Variants in GNAI3 observed in about 807,000 individuals in gnomAD.
GNAI3 encodes the protein G protein subunit alpha i3.
In GNAI3, 12 loss-of-function variants were observed where a neutral mutation model predicts 41.8. The observed-to-expected ratio is 0.29, with a 90% CI of 0.18 to 0.47. The LOEUF (loss-of-function observed/expected upper bound fraction) is 0.47. Ranked by LOEUF, GNAI3 falls within the 20% of genes least tolerant of loss-of-function variation. GNAI3 has a pLI of 1.00. For synonymous variants in GNAI3, 132 were observed against 146.5 expected (o/e 0.90, Z 0.71); for missense variants, 360 against 429.6 (o/e 0.84, Z 1.43).
intron 1 of GNAI3, among the ~76,000 whole-genome samples, chr1:109,560,609 A>G (rs1648284634): frequency 6.6e-6 from 1 of 152,182 alleles, no homozygotes. Flanking sequence ...CTTAAAAAAA[A>G]TCATTTGAGA....
intron 1 of GNAI3, among the ~76,000 whole-genome samples, chr1:109,558,826 A>G (rs1295086269): frequency 1.3e-5 from 2 of 152,106 alleles, no homozygotes; most frequent in Admixed American, 1.3e-4. Flanking sequence ...GTTTAGTTTT[A>G]TGGCAGGGGA....
At chr1:109,572,961 G>A (rs185556832) in intron 1 of GNAI3, among the ~76,000 whole-genome samples, 1 of 152,186 alleles carries the variant, frequency 6.6e-6, no homozygotes, top group African/African-American at 2.4e-5. Context: ...AGATGTCGTT[G>A]TGGGAAAATG....
Position 109,577,378 on chromosome 1 carries a change from G to T in GNAI3, c.304-1826G>T, listed in dbSNP as rs559366611. Among the ~76,000 whole-genome samples, 99 of 150,914 alleles carry T rather than the reference G, an allele frequency of 6.6e-4. 1 individual carries two copies. The highest frequency in any genetic ancestry group is 2.4e-3 in the African/African-American group (97 of 41,012). ...TGCAACCTCCGCCTCCTGGGTTCAA[G>T]CAATTCTCCTGCCTCAAACTCCCGA... On this transcript the variant is annotated intron_variant, in intron 3 of 8. Transcript: ENST00000369851.
At chr1:109,586,148 A>G in intron 5 of GNAI3, 68 bp from the exon 6 acceptor site, 2 of 1,400,734 alleles carry the variant, frequency 1.4e-6, no homozygotes, top group Non-Finnish European at 1.9e-6. Flanking sequence ...GAAGTTTCCT[A>G]ATCATTTCAG....
chr1:109,558,576 A>T (rs530939562), intron 1 of GNAI3, among the ~76,000 whole-genome samples: 6 of 152,308 alleles, frequency 3.9e-5, no homozygotes, highest in African/African-American at 1.2e-4. Context: ...TTTAAAATGC[A>T]TATAACCAGC....
intron 1 of GNAI3, 25 bp from the exon 2 acceptor site, chr1:109,573,712 A>G (rs747597571): frequency 4.4e-6 from 7 of 1,575,062 alleles, no homozygotes; most frequent in Non-Finnish European, 6.1e-6. Flanking sequence ...CGAGAAATTC[A>G]AAGTCTGGTT....
At chr1:109,550,814 T>C (rs185789589) in intron 1 of GNAI3, among the ~76,000 whole-genome samples, 1 of 152,330 alleles carries the variant, frequency 6.6e-6, no homozygotes, top group African/African-American at 2.4e-5. Context: ...ATTATAGGCG[T>C]GAGGCCACCG....
At chr1:109,577,263 T>C (rs1007603281) in intron 3 of GNAI3, among the ~76,000 whole-genome samples, 1 of 151,232 alleles carries the variant, frequency 6.6e-6, no homozygotes, top group Non-Finnish European at 1.5e-5. Flanking sequence ...AGATCTTAGC[T>C]AAGGTGTTTT....
intron 1 of GNAI3, 98 bp from the exon 2 acceptor site, chr1:109,573,639 C>A: frequency 1.0e-6 from 1 of 976,800 alleles, no homozygotes; most frequent in Non-Finnish European, 1.6e-6. Flanking sequence ...TTCCCTAGGA[C>A]CCGTGGTTTT....
chr1:109,558,316 G>A (rs1237142432), intron 1 of GNAI3, among the ~76,000 whole-genome samples: 3 of 152,066 alleles, frequency 2.0e-5, no homozygotes, highest in Non-Finnish European at 4.4e-5. Context: ...CCAGCTACTT[G>A]GGAGGCTGAG....
intron 3 of GNAI3, among the ~76,000 whole-genome samples, chr1:109,576,783 A>G (rs1557908637): frequency 1.3e-5 from 2 of 152,122 alleles, no homozygotes; most frequent in African/African-American, 4.8e-5. Context: ...TGGCTGCCCA[A>G]AGTATTGGGA....
At chr1:109,565,833 C>T (rs1002288605) in intron 1 of GNAI3, among the ~76,000 whole-genome samples, 4 of 152,202 alleles carry the variant, frequency 2.6e-5, no homozygotes, top group Admixed American at 1.3e-4. Context: ...CCCTGTAAAG[C>T]CAGGTTGAGC....
rs1649289692 is a variant in GNAI3 at position 109,595,874 on chromosome 1, T to TA, written c.*3556dup. The stretch of plus-strand genomic sequence containing the variant: ...AACCCTCTACTCATTTGTATAAACC[T>TA]AAAACGTCACTGTTTTCCTTGAGCG... On this transcript the variant is annotated 3_prime_UTR_variant, in exon 9 of 9. Transcript: ENST00000369851. 1 of 152,114 alleles carries TA rather than the reference T, an allele frequency of 6.6e-6. No individual in the cohort carries two copies. The highest frequency in any genetic ancestry group is 1.5e-5 in the Non-Finnish European group (1 of 68,002). The allele number at this position is 152,114 out of a possible 1,614,324, so 9.4% of individuals were successfully genotyped here. A position where few individuals can be genotyped will look rare whatever the true frequency, so the allele number is the denominator to read the frequency against.
intron 1 of GNAI3, among the ~76,000 whole-genome samples, chr1:109,572,431 G>A (rs761809453): frequency 2.0e-5 from 3 of 152,202 alleles, no homozygotes; most frequent in African/African-American, 7.2e-5. Context: ...TTTCAACTTA[G>A]ACAAATTCTG....
chr1:109,563,094 A>C (rs1303623422), intron 1 of GNAI3, among the ~76,000 whole-genome samples: 2 of 152,192 alleles, frequency 1.3e-5, no homozygotes, highest in Admixed American at 6.5e-5. Context: ...AAACTTACCA[A>C]AGTCCAAAAT....
chr1:109,577,632 G>A (rs1376648891), intron 3 of GNAI3, among the ~76,000 whole-genome samples: 2 of 152,152 alleles, frequency 1.3e-5, no homozygotes, highest in Non-Finnish European at 2.9e-5. Context: ...GAATGCGCCT[G>A]ATCTCAGAAG....
chr1:109,577,401 C>T (rs755970219), intron 3 of GNAI3, among the ~76,000 whole-genome samples: 3 of 151,770 alleles, frequency 2.0e-5, no homozygotes, highest in South Asian at 2.1e-4. Context: ...CTCAAACTCC[C>T]GAGTAGCTGG....
chr1:109,579,652 C>A (rs1021283166), intron 4 of GNAI3, among the ~76,000 whole-genome samples: 18 of 152,156 alleles, frequency 1.2e-4, no homozygotes, highest in Non-Finnish European at 2.4e-4. Context: ...TGGCTGGGTT[C>A]TGAATCTGTT....
intron 1 of GNAI3, among the ~76,000 whole-genome samples, chr1:109,560,663 G>A (rs1308704649): frequency 6.6e-6 from 1 of 152,190 alleles, no homozygotes; most frequent in African/African-American, 2.4e-5. Flanking sequence ...TGATCCTCCT[G>A]TGTCAGCCTC....
Sources: gnomAD v4.1 joint callset for allele counts (sites outside exome capture counted in the v4.1 genomes callset) on GRCh38, gnomAD v4.1.1 for gene constraint, MANE v1.5 for transcripts, NCBI Gene and HGNC (gene_info 2026-07-23, HGNC 2026-07-21) for gene names.